Variants in ADAMTS16 observed in about 807,000 individuals in gnomAD.
ADAMTS16 encodes the protein ADAM metallopeptidase with thrombospondin type 1 motif 16, also known as A disintegrin and metalloproteinase with thrombospondin motifs 16.
In ADAMTS16, 94 loss-of-function variants were observed where a neutral mutation model predicts 145.8. The observed-to-expected ratio is 0.64, with a 90% confidence interval of 0.55 to 0.77. ADAMTS16 has a LOEUF of 0.77. Among genes scored for constraint, ADAMTS16 ranks in the 30% least tolerant of loss-of-function variants. The pLI, the probability that ADAMTS16 is intolerant of heterozygous loss-of-function variation, is 0.00. For synonymous variants in ADAMTS16, 659 were observed against 604.3 expected, an observed-to-expected ratio of 1.09 and a Z score of -1.33; for missense variants, 1,585 against 1,591.5, an observed-to-expected ratio of 1.00 and a Z score of 0.07.
intron 11 of ADAMTS16, among the ~76,000 whole-genome samples, chr5:5,223,949 A>C (rs17712889): frequency 0.14 from 20,708 of 151,830 alleles, 1,792 homozygotes; most frequent in South Asian, 0.21. Context: ...TCATTGTTCT[A>C]TTATGTTTAA....
intron 11 of ADAMTS16, among the ~76,000 whole-genome samples, chr5:5,230,492 A>G (rs1239210731): frequency 1.3e-5 from 2 of 152,174 alleles, no homozygotes; most frequent in Non-Finnish European, 2.9e-5. Flanking sequence ...AAATGATTTC[A>G]AGTCTGGGAG....
In ADAMTS16 at chr5:5,315,278, C is replaced by T. The variant is rs74360297; in HGVS notation, c.3412-2856C>T. On this transcript the variant is annotated intron_variant, in intron 21 of 22. Transcript: ENST00000274181. Reference sequence around the variant, plus strand: ...TTCAGTTACTGCCCTCCTGGTCATGCGGGGATTATGGGATTATGACACTTA... The same window carrying T: ...TTCAGTTACTGCCCTCCTGGTCATGTGGGGATTATGGGATTATGACACTTA... Among the ~76,000 whole-genome samples the T allele has an allele frequency of 4.4e-3, 669 of 152,156 alleles. 12 individuals are homozygous for T. The East Asian group carries it at 0.049, about 11-fold the overall frequency.
At chr5:5,198,410 G>T (rs1735866379) in intron 8 of ADAMTS16, among the ~76,000 whole-genome samples, 1 of 152,108 alleles carries the variant, frequency 6.6e-6, no homozygotes, top group Admixed American at 6.5e-5. Flanking sequence ...CAAGAATTTT[G>T]CAGAAATTCA....
intron 10 of ADAMTS16, among the ~76,000 whole-genome samples, chr5:5,210,755 C>T (rs558917522): frequency 4.9e-4 from 74 of 152,280 alleles, no homozygotes; most frequent in Non-Finnish European, 9.6e-4. Flanking sequence ...TCTCTAATCC[C>T]AATTCGTTCA....
intron 3 of ADAMTS16, among the ~76,000 whole-genome samples, chr5:5,166,108 C>CT (rs979412267): frequency 2.6e-5 from 4 of 152,094 alleles, no homozygotes; most frequent in Admixed American, 2.0e-4. Flanking sequence ...TAAAATATCT[C>CT]TTTTTTTGCC....
rs1268927769 is a variant in ADAMTS16 at position 5,262,976 on chromosome 5, A to T, written c.2789+193A>T. ...TGTTTAGGCGGGAAGTGGTCTGGAA[A>T]TTCTTGTGACTGTAAGTGGACATTC... On this transcript the variant is annotated intron_variant, in intron 18 of 22. Coordinates refer to ENST00000274181, the MANE Select transcript of ADAMTS16 (RefSeq NM_139056.4). Among the ~76,000 whole-genome samples, 6 of 152,298 alleles carry T rather than the reference A, an allele frequency of 3.9e-5. 2 individuals are homozygous for T. The highest frequency in any genetic ancestry group is 3.9e-4 in the Admixed American group (6 of 15,294).
intron 3 of ADAMTS16, among the ~76,000 whole-genome samples, chr5:5,149,969 A>G (rs925890649): frequency 6.6e-6 from 1 of 152,196 alleles, no homozygotes; most frequent in East Asian, 1.9e-4. Flanking sequence ...TTTTTTGGCT[A>G]CTGCGAATAA....
chr5:5,218,386 C>T (rs1302734128), intron 10 of ADAMTS16, among the ~76,000 whole-genome samples: 1 of 152,144 alleles, frequency 6.6e-6, no homozygotes, highest in Non-Finnish European at 1.5e-5. Flanking sequence ...CTGCTCAAAC[C>T]CCTAGTGGGA....
intron 16 of ADAMTS16, among the ~76,000 whole-genome samples, chr5:5,241,035 A>G (rs1737273296): frequency 6.6e-6 from 1 of 152,034 alleles, no homozygotes; most frequent in Non-Finnish European, 1.5e-5. Flanking sequence ...GAGTATCTCA[A>G]TGGCCTTGCA....
chr5:5,299,651 G>A lies in ADAMTS16; in HGVS notation c.2790-3617G>A, dbSNP rs527615307. Among the ~76,000 whole-genome samples, 4 of 152,198 alleles carry A rather than the reference G, an allele frequency of 2.6e-5. No homozygotes were observed. In the South Asian group the frequency reaches 6.2e-4, roughly 24 times the overall value. Reference sequence around the variant, plus strand: ...CCGTTGAGCGAAGGCTGTAAACCCTGTCACTTTCTGGGTAGTGTTGAGAGC... The same window carrying A: ...CCGTTGAGCGAAGGCTGTAAACCCTATCACTTTCTGGGTAGTGTTGAGAGC... On this transcript the variant is annotated intron_variant, in intron 18 of 22. Coordinates refer to ENST00000274181, the MANE Select transcript of ADAMTS16 (RefSeq NM_139056.4).
rs924745652 is a variant in ADAMTS16 at position 5,302,059 on chromosome 5, G to C, written c.2790-1209G>C. On this transcript the variant is annotated intron_variant, in intron 18 of 22. Transcript: ENST00000274181. ...TCCAGGAGGCAGCTCAAGCCCTCCT[G>C]CCCAGTGAGTCCCTGTTATGGCGCC... is the stretch of plus-strand genomic sequence containing the variant. Among the ~76,000 whole-genome samples the C allele has an allele frequency of 1.2e-4, 18 of 152,176 alleles. 1 individual carries two copies. Among genetic ancestry groups the C allele is most frequent in the African/African-American group, 4.3e-4 (18 of 41,446 alleles).
At chr5:5,274,464 A>G (rs549383953) in intron 18 of ADAMTS16, among the ~76,000 whole-genome samples, 2 of 152,056 alleles carry the variant, frequency 1.3e-5, no homozygotes, top group South Asian at 4.2e-4. Context: ...ACAGCATGCA[A>G]CCTCTTCAGA....
chr5:5,244,724 G>A (rs1473519587), intron 17 of ADAMTS16, among the ~76,000 whole-genome samples: 3 of 152,174 alleles, frequency 2.0e-5, no homozygotes, highest in Non-Finnish European at 4.4e-5. Flanking sequence ...GAAGCACAAC[G>A]TGTTCTTCGA....
chr5:5,240,677 T>C (rs1159308724), intron 16 of ADAMTS16, among the ~76,000 whole-genome samples: 1 of 152,138 alleles, frequency 6.6e-6, no homozygotes, highest in Non-Finnish European at 1.5e-5. Flanking sequence ...CAGGCCGCCC[T>C]ATCCCATCCT....
At chr5:5,305,731 C>G (rs542443455) in intron 20 of ADAMTS16, among the ~76,000 whole-genome samples, 22 of 152,208 alleles carry the variant, frequency 1.4e-4, no homozygotes, top group Non-Finnish European at 2.9e-4. Flanking sequence ...GCTGGGGAAC[C>G]TGGGGACACT....
rs1734020374 is a variant in ADAMTS16 at position 5,315,557 on chromosome 5, G to A, written c.3412-2577G>A. Among the ~76,000 whole-genome samples the A allele has an allele frequency of 6.6e-5, 10 of 152,160 alleles. 1 individual carries two copies. In the South Asian group the frequency reaches 2.1e-3, roughly 32 times the overall value. Reference sequence around the variant, plus strand: ...TTATCATAAAATAAATCTAACTCAAGAAACGAAAGATGTTGTGGACACTGA... The same window carrying A: ...TTATCATAAAATAAATCTAACTCAAAAAACGAAAGATGTTGTGGACACTGA... On this transcript the variant is annotated intron_variant, in intron 21 of 22. Transcript: ENST00000274181.
chr5:5,222,985 C>A, intron 11 of ADAMTS16, 101 bp downstream of exon 11: 1 of 986,742 alleles, frequency 1.0e-6, no homozygotes. Flanking sequence ...ACATGTATTT[C>A]TCATATACAT....
rs1412082978 is a variant in ADAMTS16, at chr5:5,286,852, C to T, written c.2790-16416C>T. Among the ~76,000 whole-genome samples, 14 of 112,002 alleles carry T rather than the reference C, an allele frequency of 1.2e-4. No individual in the cohort carries two copies. In the South Asian group the frequency reaches 1.3e-3, roughly 11 times the overall value. The allele number at this position is 112,002 out of a possible 152,430, so 73.5% of individuals were successfully genotyped here. A position where few individuals can be genotyped will look rare whatever the true frequency, so the allele number is the denominator to read the frequency against. ...CAGCCTGGGCGATGGAGCAAGACTC[C>T]GTCTCAAAAAAAAAAAAAAAAAAAA... On this transcript the variant is annotated intron_variant, in intron 18 of 22. Coordinates refer to ENST00000274181, the MANE Select transcript of ADAMTS16 (RefSeq NM_139056.4).
chr5:5,236,357 A>G (rs1000828134), intron 13 of ADAMTS16, among the ~76,000 whole-genome samples: 20 of 152,070 alleles, frequency 1.3e-4, no homozygotes, highest in African/African-American at 4.6e-4. Context: ...AAAAAAGTTC[A>G]TATTAAATAT....
Sources: allele counts gnomAD v4.1 joint callset (sites outside exome capture counted in the v4.1 genomes callset), GRCh38; gene constraint gnomAD v4.1.1; transcripts MANE v1.5; gene names NCBI Gene and HGNC (gene_info 2026-07-23, HGNC 2026-07-21).